The following P4HA3 variants were observed in gnomAD, a reference collection of about 807,000 sequenced individuals.
The protein encoded by P4HA3 is prolyl 4-hydroxylase subunit alpha 3.
In P4HA3, 60 loss-of-function variants were observed where a neutral mutation model predicts 66.7. The observed-to-expected ratio is 0.90, with a 90% CI of 0.73 to 1.12. The LOEUF (loss-of-function observed/expected upper bound fraction) is 1.12. Among genes scored for constraint, P4HA3 ranks in the 50% most tolerant of loss-of-function variants. The pLI is 0.00. For missense variants in P4HA3, 683 were observed against 685.8 expected (o/e 1.00, Z 0.05); for synonymous variants, 263 against 274.6 (o/e 0.96, Z 0.42).
chr11:74,263,290 A>G (rs1591082282), downstream of P4HA3, among the ~76,000 whole-genome samples: 1 of 152,240 alleles, frequency 6.6e-6, no homozygotes, highest in Non-Finnish European at 1.5e-5. Context: ...TCATTCCTAT[A>G]TTCAACAGAT....
At chr11:74,257,673 A>G (rs920299755) in intron 15 of P4HA3, among the ~76,000 whole-genome samples, 1 of 152,190 alleles carries the variant, frequency 6.6e-6, no homozygotes, top group African/African-American at 2.4e-5. Context: ...GCATGACCCC[A>G]TATAAAAAGA....
At chr11:74,253,349 A>G in intron 15 of P4HA3, 1 of 802,988 alleles carries the variant, frequency 1.2e-6, no homozygotes, top group Non-Finnish European at 2.1e-6. Context: ...CCCTGGGTCC[A>G]GCTCTGGTCA....
At chr11:74,309,752 C>T (rs897396995) in intron 1 of P4HA3, among the ~76,000 whole-genome samples, 1 of 152,190 alleles carries the variant, frequency 6.6e-6, no homozygotes, top group Non-Finnish European at 1.5e-5. Flanking sequence ...AAAATTAATA[C>T]ATACCTATAT....
intron 1 of P4HA3, among the ~76,000 whole-genome samples, chr11:74,310,359 C>T (rs1288367725): frequency 1.2e-4 from 18 of 152,210 alleles, no homozygotes. Context: ...TGACTGTACC[C>T]CAAAACTATA....
chr11:74,289,175 G>T, intron 4 of P4HA3, 45 bp from the exon 5 acceptor site: 1 of 1,421,888 alleles, frequency 7.0e-7, no homozygotes, highest in Non-Finnish European at 9.5e-7. Flanking sequence ...ACTTCACTGA[G>T]GATATCTCTT....
chr11:74,278,515 G>C (rs1434987745), intron 8 of P4HA3, among the ~76,000 whole-genome samples: 1 of 152,214 alleles, frequency 6.6e-6, no homozygotes, highest in Non-Finnish European at 1.5e-5. Context: ...AAAAGTCAAA[G>C]AGTTGAAGAG....
intron 14 of P4HA3, among the ~76,000 whole-genome samples, chr11:74,261,394 G>T (rs569097665): frequency 6.6e-6 from 1 of 152,148 alleles, no homozygotes; most frequent in Non-Finnish European, 1.5e-5. Flanking sequence ...GAAAGGTGGG[G>T]AGCAATCAGA....
chr11:74,302,585 C>A lies in P4HA3; in HGVS notation c.351G>T (p.Lys117Asn). 6.2e-7 allele frequency: 1 copy of A among 1,611,590 alleles called. No individual in the cohort carries two copies. The highest frequency in any genetic ancestry group is 8.5e-7 in the Non-Finnish European group (1 of 1,179,098). The change falls in exon 3 of 13, where the codon AAG (lysine) becomes AAT (asparagine). Residue 117 changes from lysine (K) to asparagine (N), a missense_variant. Coordinates refer to ENST00000331597, the MANE Select transcript of P4HA3 (RefSeq NM_182904.5). ...LEASENIRAL[K>N]DGYEKVEQDL... Reference sequence around the variant, plus strand: ...CTTGCTCCACCTTCTCATAGCCATCCTTCAGAGCTGTAAAAGTAGTAAAAA... The same window carrying A: ...CTTGCTCCACCTTCTCATAGCCATCATTCAGAGCTGTAAAAGTAGTAAAAA...
In P4HA3 at chr11:74,269,875, C is replaced by T. The variant is rs139932764; in HGVS notation, c.1399-155G>A. 6.4e-3 allele frequency among the ~76,000 whole-genome samples: 971 copies of T among 152,310 alleles called. 13 individuals carry two copies. The highest frequency in any genetic ancestry group is 0.022 in the African/African-American group (921 of 41,566). ...CAATCATCCAACTCAGGAGGAACTT[C>T]GGGAGCCTACTCAATGGCATTGGTG... On this transcript the variant is annotated intron_variant, in intron 10 of 12. Coordinates refer to ENST00000331597, the MANE Select transcript of P4HA3 (RefSeq NM_182904.5).
chr11:74,265,651 T>G (rs1461057804), downstream of P4HA3, among the ~76,000 whole-genome samples: 1 of 152,222 alleles, frequency 6.6e-6, no homozygotes, highest in Non-Finnish European at 1.5e-5. Flanking sequence ...CATCACACTC[T>G]GCTTATAAAA....
chr11:74,309,657 G>A (rs1211953308), intron 1 of P4HA3, among the ~76,000 whole-genome samples: 4 of 151,994 alleles, frequency 2.6e-5, no homozygotes, highest in Non-Finnish European at 5.9e-5. Flanking sequence ...CATTTGGCTC[G>A]GTCAACATGG....
chr11:74,287,139 A>C, intron 5 of P4HA3: 19 of 1,225,314 alleles, frequency 1.6e-5, no homozygotes, highest in Non-Finnish European at 2.0e-5. Context: ...CTTTGGCTGC[A>C]AGATGCCCCA....
intron 10 of P4HA3, among the ~76,000 whole-genome samples, chr11:74,269,978 G>T (rs868493449): frequency 6.6e-6 from 1 of 151,974 alleles, no homozygotes; most frequent in Non-Finnish European, 1.5e-5. Flanking sequence ...CCTTATTGAG[G>T]GCTACAATAA....
In P4HA3 at chr11:74,302,519, G is replaced by C. The variant is rs1861440389; in HGVS notation, c.417C>G (p.Ala139=). The C allele has an allele frequency of 6.2e-7, 1 of 1,614,172 alleles. No homozygotes were observed. The highest frequency in any genetic ancestry group is 2.2e-5 in the East Asian group (1 of 44,882). ...TGTACACGTCCTGCAGCCGCATCAG[G>C]GCCCTTGCTGCTCCCTCAAGGTCCT... ...AFEDLEGAAR[A]LMRLQDVYML... is the part of the protein sequence containing the mutation. Residue 139 remains alanine, a synonymous_variant, in exon 3 of 13, where the codon GCC becomes GCG. Transcript: ENST00000331597.
intron 2 of P4HA3, among the ~76,000 whole-genome samples, chr11:74,302,948 C>A (rs1418062906): frequency 7.0e-6 from 1 of 143,452 alleles, no homozygotes; most frequent in African/African-American, 2.6e-5. Context: ...TCTTTTCTTT[C>A]TTTTCTTTCT....
chr11:74,304,510 A>C, intron 1 of P4HA3, 98 bp from the exon 2 acceptor site: 1 of 1,358,818 alleles, frequency 7.4e-7, no homozygotes, highest in African/African-American at 1.4e-5. Flanking sequence ...GCTAACACTG[A>C]CATGCTGAAC....
chr11:74,280,036 T>A (rs1282193218), intron 7 of P4HA3, among the ~76,000 whole-genome samples: 2 of 152,244 alleles, frequency 1.3e-5, no homozygotes, highest in African/African-American at 2.4e-5. Context: ...AGGGTACTTG[T>A]GAGATTTTCA....
At chr11:74,279,352 G>A (rs1860511573) in intron 8 of P4HA3, 36 bp downstream of exon 8, 1 of 1,595,608 alleles carries the variant, frequency 6.3e-7, no homozygotes, top group Non-Finnish European at 8.6e-7. Context: ...GCCCGAGGGT[G>A]GGCAGCAGGT....
At chr11:74,275,990 T>G (rs1325855168) in intron 9 of P4HA3, among the ~76,000 whole-genome samples, 9 of 152,160 alleles carry the variant, frequency 5.9e-5, no homozygotes, top group Admixed American at 5.9e-4. Flanking sequence ...ATGAAATAAT[T>G]TCCTCTGCAG....
Sources: gnomAD v4.1 joint callset for allele counts (sites outside exome capture counted in the v4.1 genomes callset) on GRCh38, gnomAD v4.1.1 for gene constraint, MANE v1.5 for transcripts, NCBI Gene and HGNC (gene_info 2026-07-23, HGNC 2026-07-21) for gene names.